BTBD19: variants seen among roughly 807,000 people sequenced by gnomAD.
BTBD19 encodes the protein BTB domain containing 19.
BTBD19 carries 20 observed loss-of-function variants against 36.1 expected under a neutral mutation model. The observed-to-expected ratio is 0.55, with a 90% CI of 0.39 to 0.80. BTBD19 has a LOEUF of 0.80. Ranked by LOEUF, BTBD19 falls within the 30% of genes least tolerant of loss-of-function variation. BTBD19 has a pLI of 0.00. For synonymous variants in BTBD19, 157 were observed against 174.3 expected (o/e 0.90, Z 0.78); for missense variants, 325 against 389.8 (o/e 0.83, Z 1.40).
At position 44,813,926 on chromosome 1, in the gene BTBD19, C is replaced by T; in HGVS notation, c.*154C>T. 2 of 1,258,742 alleles carry T rather than the reference C, an allele frequency of 1.6e-6. No homozygotes were observed. The highest frequency in any genetic ancestry group is 2.2e-6 in the Non-Finnish European group (2 of 906,834). 78.0% of individuals were successfully genotyped at this position (1,258,742 alleles called of 1,614,324 possible). ...AAGAACCGTTGTCTGCCACGCGCAG[C>T]CCCTTGTGCGGGATCAAGCCCGTGT... is the stretch of plus-strand genomic sequence containing the variant. On this transcript the variant is annotated 3_prime_UTR_variant, in exon 8 of 8. Coordinates refer to ENST00000450269, the Ensembl canonical transcript of BTBD19. The surrounding 1 kb of genome is among the most constrained non-coding windows in gnomAD (Gnocchi z 7.8).
downstream of BTBD19, chr1:44,814,274 C>CTCTTTCTT (rs530383195): frequency 3.5e-5 from 5 of 143,756 alleles, no homozygotes; most frequent in Admixed American, 1.4e-4. Context: ...CTTTCTCTAT[C>CTCTTTCTT]TCTTTCTTTC....
At position 44,812,582 on chromosome 1, in the gene BTBD19, A is replaced by G. The variant is rs187750891; in HGVS notation, c.415-414A>G. On this transcript the variant is annotated intron_variant, in intron 4 of 7. Coordinates refer to ENST00000450269, the Ensembl canonical transcript of BTBD19. ...TAGCCTGGTGTGGTGGCATGCTCCC[A>G]GCTACTCTGGAGGCTGAGGCAGGAG... 2.7e-5 allele frequency: 11 copies of G among 402,628 alleles called. No homozygotes were observed. In the Admixed American group the frequency reaches 2.9e-4, roughly 11 times the overall value. The allele number at this position is 402,628 out of a possible 1,614,324, so 24.9% of individuals were successfully genotyped here.
In BTBD19 at chr1:44,810,368, C is replaced by G. The variant is rs1186527583; in HGVS notation, c.242C>G (p.Ala81Gly). Residue 81 changes from alanine (A) to glycine (G), a missense_variant, in exon 2 of 8, where the codon GCC becomes GGC. Transcript: ENST00000450269. This position sits in a 1 kb window ranked among gnomAD's most constrained non-coding sequence, Gnocchi z 4.2. ...GTGCTAAGCACTGTGCCAACTGAGG[C>G]CTTCCTGGCAGTGCTGGAGTTCCTA... 1 of 1,551,740 alleles carries G rather than the reference C, an allele frequency of 6.4e-7. No homozygotes were observed. The highest frequency in any genetic ancestry group is 1.2e-5 in the South Asian group (1 of 84,064).
intron 4 of BTBD19, 104 bp from the exon 5 acceptor site, chr1:44,812,892 C>A (rs999953293): frequency 3.2e-5 from 36 of 1,123,068 alleles, no homozygotes; most frequent in Non-Finnish European, 4.5e-5. Context: ...CTGTCAGCCT[C>A]CCCAGCTAGG....
In BTBD19 at chr1:44,813,714, G is replaced by A; in HGVS notation, c.818G>A (p.Arg273His). 6.4e-7 allele frequency: 1 copy of A among 1,551,470 alleles called. No individual in the cohort carries two copies. The highest frequency in any genetic ancestry group is 1.7e-4 in the Middle Eastern group (1 of 5,992). The stretch of plus-strand genomic sequence containing the variant: ...GAGGCCCGGGGCGCCCCGTGTCGCC[G>A]CCGGAGAGGCACCCTGCCCCGGGAG... The change falls in exon 8 of 8, where the codon CGC becomes CAC. Residue 273 changes from arginine to histidine, a missense_variant. Physicochemically the swap from Arg to His is conservative, Grantham distance 29. Coordinates refer to ENST00000450269, the Ensembl canonical transcript of BTBD19. This position sits in a 1 kb window ranked among gnomAD's most constrained non-coding sequence, Gnocchi z 7.8.
At chr1:44,809,495 T>G (rs1447182629) in intron 1 of BTBD19, among the ~76,000 whole-genome samples, 2 of 152,228 alleles carry the variant, frequency 1.3e-5, no homozygotes, top group Non-Finnish European at 2.9e-5. Flanking sequence ...GTCTCAGATC[T>G]GAGCTCTTCC....
exon 4 of BTBD19, chr1:44,812,080 G>T: frequency 7.7e-7 from 1 of 1,305,308 alleles, no homozygotes; most frequent in Non-Finnish European, 1.0e-6. Context: ...ATGTGGACTT[G>T]GTTTGTGAGG....
chr1:44,815,061 T>C (rs913082789), downstream of BTBD19: 1 of 152,254 alleles, frequency 6.6e-6, no homozygotes, highest in Non-Finnish European at 1.5e-5. Flanking sequence ...AGGTCTCTTT[T>C]TACCTTGTAA....
chr1:44,813,493 C>T lies in BTBD19; in HGVS notation c.735C>T (p.Leu245=). The change falls in exon 7 of 8, where the codon CTC becomes CTT. Residue 245 remains leucine (L), a synonymous_variant. Coordinates refer to ENST00000450269, the Ensembl canonical transcript of BTBD19. This position sits in a 1 kb window ranked among gnomAD's most constrained non-coding sequence, Gnocchi z 7.8. Reference sequence around the variant, plus strand: ...AAGAGCAGAACCGGCAGGAACCACTCATCCCGGTGGGGACGCGGGGAACCG... The same window carrying T: ...AAGAGCAGAACCGGCAGGAACCACTTATCCCGGTGGGGACGCGGGGAACCG... The T allele has an allele frequency of 2.6e-6, 4 of 1,549,980 alleles. No individual in the cohort carries two copies. The highest frequency in any genetic ancestry group is 1.7e-6 in the Non-Finnish European group (2 of 1,146,566).
rs770742313 is a variant in BTBD19 at position 44,810,211 on chromosome 1, A to G, written c.87-2A>G. 29 of 1,550,754 alleles carry G rather than the reference A, an allele frequency of 1.9e-5. No homozygotes were observed. The highest frequency in any genetic ancestry group is 2.4e-5 in the Non-Finnish European group (28 of 1,146,152). ...CGCTGCCTCTCTGCCTGTCTCCCACAGTGATGTTTGCTTCGTGGTTGGTCA... is the reference window on the plus strand; with the variant it reads ...CGCTGCCTCTCTGCCTGTCTCCCACGGTGATGTTTGCTTCGTGGTTGGTCA... On this transcript the variant is annotated splice_acceptor_variant, in intron 1 of 7. Transcript: ENST00000450269. LOFTEE classifies it high-confidence loss of function. This position sits in a 1 kb window ranked among gnomAD's most constrained non-coding sequence, Gnocchi z 4.2.
Position 44,813,386 on chromosome 1 carries a change from CG to C in BTBD19, c.630del (p.Pro211ArgfsTer10), listed in dbSNP as rs1557634207. On this transcript the variant is annotated frameshift_variant, in exon 7 of 8. Transcript: ENST00000450269. LOFTEE classifies it high-confidence loss of function. The surrounding 1 kb of genome is among the most constrained non-coding windows in gnomAD (Gnocchi z 7.8). The stretch of plus-strand genomic sequence containing the variant: ...CTGGCGTTTGCAGGCGGTGCTGGAG[CG>C]GCCGGTGGCTGAGGTGGCGGCCCCG... The C allele has an allele frequency of 6.5e-7, 1 of 1,547,476 alleles. No homozygotes were observed. The highest frequency in any genetic ancestry group is 2.0e-5 in the Admixed American group (1 of 50,990).
exon 8 of BTBD19, chr1:44,814,001 G>C (rs998838187): frequency 1.6e-6 from 1 of 644,242 alleles, no homozygotes; most frequent in Admixed American, 3.0e-5. Flanking sequence ...CCTCCCTGAG[G>C]GGGTGAAACT....
rs1388561723 is a variant in BTBD19 at position 44,810,315 on chromosome 1, G to A, written c.189G>A (p.Glu63=). The A allele has an allele frequency of 1.3e-6, 2 of 1,551,868 alleles. No individual in the cohort carries two copies. Among genetic ancestry groups the A allele is most frequent in the Non-Finnish European group, 1.7e-6 (2 of 1,147,004 alleles). ...TCTTCCAGCGACTTCTGGGCACAGA[G>A]CCAGGCCCCGGGGTGCCCAGTCCTG... Residue 63 remains glutamate (E), a synonymous_variant, in exon 2 of 8, where the codon GAG becomes GAA. Transcript: ENST00000450269. This position sits in a 1 kb window ranked among gnomAD's most constrained non-coding sequence, Gnocchi z 4.2.
intron 1 of BTBD19, 51 bp downstream of exon 1, chr1:44,808,957 C>T (rs1652268082): frequency 1.5e-5 from 21 of 1,428,714 alleles, no homozygotes; most frequent in East Asian, 2.5e-5. Flanking sequence ...TCTGTGGGCC[C>T]CAGGACTCTA....
rs981415842 is a variant in BTBD19 at position 44,813,931 on chromosome 1, T to C, written c.*159T>C. The C allele has an allele frequency of 4.2e-5, 52 of 1,227,834 alleles. No homozygotes were observed. Among genetic ancestry groups the C allele is most frequent in the Non-Finnish European group, 5.8e-5 (51 of 881,570 alleles). 76.1% of individuals were successfully genotyped at this position (1,227,834 alleles called of 1,614,324 possible). A position where few individuals can be genotyped will look rare whatever the true frequency, so the allele number is the denominator to read the frequency against. On this transcript the variant is annotated 3_prime_UTR_variant, in exon 8 of 8. Transcript: ENST00000450269. The surrounding 1 kb of genome is among the most constrained non-coding windows in gnomAD (Gnocchi z 7.8). ...CCGTTGTCTGCCACGCGCAGCCCCTTGTGCGGGATCAAGCCCGTGTGGGCG... is the reference window on the plus strand; with the variant it reads ...CCGTTGTCTGCCACGCGCAGCCCCTCGTGCGGGATCAAGCCCGTGTGGGCG...
chr1:44,814,011 TCGAAAA>T, exon 8 of BTBD19: 1 of 621,370 alleles, frequency 1.6e-6, no homozygotes, highest in Non-Finnish European at 2.8e-6. Flanking sequence ...GGGGTGAAAC[TCGAAAA>T]CGAGGATTTC....
At position 44,813,129 on chromosome 1, in the gene BTBD19, G is replaced by C. The variant is rs1286202512; in HGVS notation, c.484-9G>C. On this transcript the variant is annotated splice_polypyrimidine_tract_variant and intron_variant, in intron 5 of 7. Transcript: ENST00000450269. The surrounding 1 kb of genome is among the most constrained non-coding windows in gnomAD (Gnocchi z 7.8). ...TCTGCTCCTCCCTGACCCATTTGCC[G>C]GCTCGCAGGAGGCCCTCCGGACCCG... 11 of 1,540,190 alleles carry C rather than the reference G, an allele frequency of 7.1e-6. No individual in the cohort carries two copies. In the African/African-American group the frequency reaches 1.1e-4, roughly 16 times the overall value.
At position 44,813,549 on chromosome 1, in the gene BTBD19, C is replaced by A. The variant is rs1230881267; in HGVS notation, c.741+50C>A. The A allele has an allele frequency of 1.3e-6, 2 of 1,538,280 alleles. No individual in the cohort carries two copies. The highest frequency in any genetic ancestry group is 2.5e-5 in the East Asian group (1 of 40,670). ...GCTCCACTCAGCAGGGGGTACAGGG[C>A]GCTGGGAGGGGGCAGGAGCAGCCCG... On this transcript the variant is annotated intron_variant, in intron 7 of 7. Coordinates refer to ENST00000450269, the Ensembl canonical transcript of BTBD19. This position sits in a 1 kb window ranked among gnomAD's most constrained non-coding sequence, Gnocchi z 7.8.
At chr1:44,811,858 A>G (rs1019571326) in intron 3 of BTBD19, 181 bp from the exon 4 acceptor site, 14 of 393,226 alleles carry the variant, frequency 3.6e-5, no homozygotes, top group Admixed American at 9.5e-5. Context: ...GCTAGTCTCC[A>G]GTTCCTGTAA....
Sources: allele counts gnomAD v4.1 joint callset (sites outside exome capture counted in the v4.1 genomes callset), GRCh38; gene constraint gnomAD v4.1.1; non-coding constraint Gnocchi (gnomAD v3.1); transcripts MANE v1.5; gene names NCBI Gene and HGNC (gene_info 2026-07-23, HGNC 2026-07-21).